BACH2: variants seen among roughly 807,000 people sequenced by gnomAD.
The protein encoded by BACH2 is BACH transcriptional regulator 2.
In BACH2, 5 loss-of-function variants were observed where a neutral mutation model predicts 61.8. The ratio of observed to expected loss-of-function variants is 0.08; its 90% CI spans 0.04 to 0.17. BACH2 has a LOEUF of 0.17. Among genes scored for constraint, BACH2 ranks in the 10% least tolerant of loss-of-function variants. BACH2 has a pLI of 1.00. For missense variants in BACH2, 824 were observed against 1,091.1 expected, an observed-to-expected ratio of 0.76 and a Z score of 3.45; for synonymous variants, 446 against 440.1, an observed-to-expected ratio of 1.01 and a Z score of -0.17.
intron 4 of BACH2, among the ~76,000 whole-genome samples, chr6:90,103,029 A>ATATATATATATATATATT: frequency 1.4e-4 from 3 of 21,164 alleles, no homozygotes; most frequent in African/African-American, 4.8e-4. Context: ...ATATATATAT[A>ATATATATATATATATATT]TTTTTTTTTT....
intron 2 of BACH2, among the ~76,000 whole-genome samples, chr6:90,257,477 T>C (rs1771015278): frequency 6.6e-6 from 1 of 152,220 alleles, no homozygotes; most frequent in African/African-American, 2.4e-5. Context: ...TATGATGTTG[T>C]GTACCCTTTC....
At chr6:90,283,596 C>T (rs927417310) in intron 1 of BACH2, among the ~76,000 whole-genome samples, 6 of 151,948 alleles carry the variant, frequency 3.9e-5, no homozygotes, top group African/African-American at 1.2e-4. Context: ...AGGATGGTCC[C>T]GATCTCCTGA....
intron 8 of BACH2, 27 bp from the exon 9 acceptor site, chr6:89,932,917 G>C: frequency 1.3e-6 from 2 of 1,541,216 alleles, no homozygotes; most frequent in South Asian, 1.3e-5. Flanking sequence ...AAAAGAGAAG[G>C]GTTGATCAAG....
intron 6 of BACH2, among the ~76,000 whole-genome samples, chr6:89,959,794 A>G (rs191008461): frequency 1.3e-5 from 2 of 152,298 alleles, no homozygotes; most frequent in Admixed American, 6.5e-5. Context: ...CACTTTTCTC[A>G]TATTTCCCTC....
Position 89,951,072 on chromosome 6 carries a change from A to G in BACH2, c.1034T>C (p.Phe345Ser). The G allele has an allele frequency of 3.1e-6, 5 of 1,612,330 alleles. No individual in the cohort carries two copies. The highest frequency in any genetic ancestry group is 4.2e-6 in the Non-Finnish European group (5 of 1,179,186). ...CAGCTCCACACTTTTCGTTATGCTG[A>G]ACAGAGACCTTAAGCAGGAGGGCGA... ...VASPSCLRSLFSITKSVELSG... is the reference protein window; with the variant it reads ...VASPSCLRSLSSITKSVELSG... Residue 345 changes from phenylalanine (F) to serine (S), a missense_variant, in exon 7 of 9, where the codon TTC becomes TCC. By Grantham distance (155) the Phe-to-Ser change is radical. Transcript: ENST00000257749. This position sits in a 1 kb window ranked among gnomAD's most constrained non-coding sequence, Gnocchi z 6.4.
intron 5 of BACH2, chr6:90,080,822 T>C (rs1228183225): frequency 2.1e-6 from 2 of 967,644 alleles, no homozygotes; most frequent in South Asian, 9.6e-5. Context: ...AGTTAGCACA[T>C]GCCCTGCAGA....
Position 90,148,703 on chromosome 6 carries a change from C to T in BACH2, c.-162+57866G>A, listed in dbSNP as rs936467501. 4.6e-5 allele frequency among the ~76,000 whole-genome samples: 7 copies of T among 152,142 alleles called. No homozygotes were observed. In the South Asian group the frequency reaches 6.2e-4, roughly 14 times the overall value. On this transcript the variant is annotated intron_variant, in intron 4 of 8. Transcript: ENST00000257749. ...TGTCTGTTTTACACACACACACACA[C>T]GCATACACGCACACCTACAGTCAGG...
chr6:90,020,494 T>A (rs1003217565), intron 5 of BACH2, among the ~76,000 whole-genome samples: 1 of 152,070 alleles, frequency 6.6e-6, no homozygotes, highest in African/African-American at 2.4e-5. Flanking sequence ...CTGTGCCACC[T>A]TGGGATTCTG....
At chr6:90,181,132 C>G (rs1284784815) in intron 4 of BACH2, among the ~76,000 whole-genome samples, 1 of 152,108 alleles carries the variant, frequency 6.6e-6, no homozygotes, top group African/African-American at 2.4e-5. Flanking sequence ...ACATTCCCAC[C>G]AGTAGTGTGT....
At chr6:90,281,157 A>C (rs1771847347) in intron 1 of BACH2, among the ~76,000 whole-genome samples, 1 of 152,176 alleles carries the variant, frequency 6.6e-6, no homozygotes, top group African/African-American at 2.4e-5. Flanking sequence ...CAGCTCTCTT[A>C]ATGTGGCCTT....
intron 3 of BACH2, among the ~76,000 whole-genome samples, chr6:90,235,792 T>C (rs1313987574): frequency 2.0e-5 from 3 of 152,228 alleles, no homozygotes; most frequent in Non-Finnish European, 4.4e-5. Context: ...AGTTCTAATA[T>C]TGGGCCTCCT....
intron 4 of BACH2, among the ~76,000 whole-genome samples, chr6:90,105,803 C>T (rs896376743): frequency 2.5e-4 from 38 of 152,148 alleles, no homozygotes; most frequent in Non-Finnish European, 2.9e-5. Context: ...TGGTTTTAGT[C>T]ACCAAAATCT....
intron 4 of BACH2, among the ~76,000 whole-genome samples, chr6:90,104,001 C>T (rs552356201): frequency 6.6e-5 from 10 of 152,176 alleles, no homozygotes; most frequent in Non-Finnish European, 8.8e-5. Flanking sequence ...GGTCAGTGAC[C>T]GACAAAGTGG....
At chr6:90,038,023 C>T (rs541919199) in intron 5 of BACH2, among the ~76,000 whole-genome samples, 2 of 152,142 alleles carry the variant, frequency 1.3e-5, no homozygotes, top group Admixed American at 6.5e-5. Context: ...GGAGCATGAC[C>T]CTGCCAACAT....
chr6:90,002,981 A>C (rs1449002360), intron 6 of BACH2, among the ~76,000 whole-genome samples: 1 of 152,100 alleles, frequency 6.6e-6, no homozygotes, highest in African/African-American at 2.4e-5. Context: ...TACCTTCAAA[A>C]TATCACCAGA....
intron 4 of BACH2, among the ~76,000 whole-genome samples, chr6:90,172,803 A>G (rs1767861205): frequency 6.6e-6 from 1 of 152,162 alleles, no homozygotes; most frequent in African/African-American, 2.4e-5. Flanking sequence ...TGAGAAAAGA[A>G]AATAGTAAAT....
At chr6:90,267,863 A>G (rs980570465) in intron 2 of BACH2, among the ~76,000 whole-genome samples, 2 of 152,170 alleles carry the variant, frequency 1.3e-5, no homozygotes, top group African/African-American at 4.8e-5. Context: ...TGATGTATAG[A>G]GAAAGGAAAA....
At chr6:90,012,843 T>A (rs1777801241) in intron 5 of BACH2, among the ~76,000 whole-genome samples, 1 of 151,946 alleles carries the variant, frequency 6.6e-6, no homozygotes, top group African/African-American at 2.4e-5. Flanking sequence ...AATTTTTGTA[T>A]TTTTAGTAGA....
At chr6:90,091,287 A>C (rs1782147300) in intron 4 of BACH2, among the ~76,000 whole-genome samples, 1 of 152,216 alleles carries the variant, frequency 6.6e-6, no homozygotes, top group African/African-American at 2.4e-5. Flanking sequence ...AAACCCTTTG[A>C]AAGTCCTATA....
Sources: gnomAD v4.1 joint callset for allele counts (sites outside exome capture counted in the v4.1 genomes callset) on GRCh38, gnomAD v4.1.1 for gene constraint, Gnocchi (gnomAD v3.1) non-coding constraint, MANE v1.5 for transcripts, NCBI Gene and HGNC (gene_info 2026-07-23, HGNC 2026-07-21) for gene names.